PRSS3: variants seen among roughly 807,000 people sequenced by gnomAD.
The protein encoded by PRSS3 is trypsin-3.
A neutral mutation model predicts 20.8 loss-of-function variants in PRSS3; 14 were observed. The observed-to-expected ratio is 0.67, with a 90% CI of 0.44 to 1.05. The LOEUF (loss-of-function observed/expected upper bound fraction) is 1.05. Ranked by LOEUF, PRSS3 falls within the 50% of genes least tolerant of loss-of-function variation. The pLI, the probability that PRSS3 is intolerant of heterozygous loss-of-function variation, is 0.00. For synonymous variants in PRSS3, 91 were observed against 117.6 expected (o/e 0.77, Z 1.46); for missense variants, 237 against 306.4 (o/e 0.77, Z 1.69).
chr9:33,760,617 G>T (rs1327597546), intron 1 of PRSS3, among the ~76,000 whole-genome samples: 3 of 151,780 alleles, frequency 2.0e-5, no homozygotes, highest in Non-Finnish European at 2.9e-5. Context: ...GTGGTGGCGG[G>T]CGTCTATAGT....
intron 1 of PRSS3, among the ~76,000 whole-genome samples, chr9:33,751,765 G>A (rs533777460): frequency 6.6e-6 from 1 of 152,164 alleles, no homozygotes; most frequent in Non-Finnish European, 1.5e-5. Context: ...TTTTTAACCA[G>A]ATGTGTTATA....
Position 33,797,870 on chromosome 9 carries a change from T to C in PRSS3, c.242T>C (p.Leu81Pro), listed in dbSNP as rs745554906. Residue 81 changes from leucine (L) to proline (P), a missense_variant, in exon 3 of 5, where the codon CTG becomes CCG. Physicochemically the swap from Leu to Pro is moderately conservative, Grantham distance 98 (BLOSUM62 -3). Transcript: ENST00000379405. ...VRLGEHNIKV[L>P]EGNEQFINAA... ...CTGGGAGAGCACAACATCAAAGTCC[T>C]GGAGGGGAATGAGCAGTTCATCAAT... 1.2e-6 allele frequency: 2 copies of C among 1,614,258 alleles called. No homozygotes were observed. The highest frequency in any genetic ancestry group is 1.7e-6 in the Non-Finnish European group (2 of 1,180,046).
chr9:33,786,035 T>G (rs995254353), intron 1 of PRSS3: 4 of 255,470 alleles, frequency 1.6e-5, no homozygotes, highest in African/African-American at 9.1e-5. Context: ...GCATGAAGAC[T>G]CATCCTGAGT....
At chr9:33,760,539 G>T (rs1210319033) in intron 1 of PRSS3, among the ~76,000 whole-genome samples, 1 of 152,056 alleles carries the variant, frequency 6.6e-6, no homozygotes, top group African/African-American at 2.4e-5. Flanking sequence ...GAGGTCAGGA[G>T]ATCGAGACCA....
At chr9:33,787,751 C>G (rs899881055) in intron 1 of PRSS3, among the ~76,000 whole-genome samples, 1 of 152,194 alleles carries the variant, frequency 6.6e-6, no homozygotes, top group African/African-American at 2.4e-5. Flanking sequence ...AAGAGAATCA[C>G]AAGGCAGTGT....
upstream of PRSS3, among the ~76,000 whole-genome samples, chr9:33,793,290 T>C (rs1433684458): frequency 1.3e-5 from 2 of 152,260 alleles, no homozygotes; most frequent in African/African-American, 4.8e-5. Context: ...CACTGGTGTC[T>C]ACAGTTGCTA....
chr9:33,766,750 C>G (rs1422135668), intron 1 of PRSS3, among the ~76,000 whole-genome samples: 4 of 151,760 alleles, frequency 2.6e-5, no homozygotes, highest in African/African-American at 9.7e-5. Flanking sequence ...TTACTGATTG[C>G]CAGGGGCTGG....
At chr9:33,772,798 C>T (rs528519567) in intron 1 of PRSS3, among the ~76,000 whole-genome samples, 106 of 152,160 alleles carry the variant, frequency 7.0e-4, no homozygotes, top group Non-Finnish European at 1.0e-3. Flanking sequence ...TTGTGTCTGC[C>T]GCCACAAACT....
chr9:33,766,429 C>T (rs559510913), intron 1 of PRSS3, among the ~76,000 whole-genome samples: 1 of 151,766 alleles, frequency 6.6e-6, no homozygotes, highest in South Asian at 2.1e-4. Context: ...AAAAATTAGC[C>T]GGGCATGGTG....
chr9:33,754,709 T>C (rs1822861366), intron 1 of PRSS3, among the ~76,000 whole-genome samples: 1 of 152,098 alleles, frequency 6.6e-6, no homozygotes, highest in Non-Finnish European at 1.5e-5. Flanking sequence ...CAGGTGCCTA[T>C]AGTCCCAGCT....
chr9:33,751,800 G>T (rs1822710870), intron 1 of PRSS3, among the ~76,000 whole-genome samples: 1 of 152,164 alleles, frequency 6.6e-6, no homozygotes, highest in Non-Finnish European at 1.5e-5. Context: ...TGGGTGTTGT[G>T]CAGTGGGAAA....
At chr9:33,788,116 A>G (rs1418778014) in intron 1 of PRSS3, among the ~76,000 whole-genome samples, 1 of 152,218 alleles carries the variant, frequency 6.6e-6, no homozygotes, top group Non-Finnish European at 1.5e-5. Context: ...AGGGACTGGA[A>G]CAGAGCCCTG....
rs796766129 is a variant in PRSS3, at chr9:33,798,367, C to G, written c.455-119C>G. On this transcript the variant is annotated intron_variant, in intron 3 of 4. Transcript: ENST00000379405. ...AGCCAGAGTCCCTTGCCAGAACTTA[C>G]GTTTTGGAGTCCTCTCCAGAGGCAG... 3.2e-6 allele frequency: 4 copies of G among 1,248,654 alleles called. No individual in the cohort carries two copies. The African/African-American group carries it at 8.7e-5, about 27-fold the overall frequency. The allele number at this position is 1,248,654 out of a possible 1,614,324, so 77.3% of individuals were successfully genotyped here. A position where few individuals can be genotyped will look rare whatever the true frequency, so the allele number is the denominator to read the frequency against.
At chr9:33,786,567 G>A (rs1238197366) in intron 1 of PRSS3, 14 of 766,158 alleles carry the variant, frequency 1.8e-5, no homozygotes, top group Non-Finnish European at 3.4e-5. Context: ...AAGCCAAGCA[G>A]GGATATCTGT....
chr9:33,769,835 G>C (rs562575009), intron 1 of PRSS3, among the ~76,000 whole-genome samples: 1 of 152,244 alleles, frequency 6.6e-6, no homozygotes, highest in Non-Finnish European at 1.5e-5. Context: ...TGTGGACCCA[G>C]ACAACAGAAC....
chr9:33,760,480 C>A (rs1404358183), intron 1 of PRSS3, among the ~76,000 whole-genome samples: 1 of 152,132 alleles, frequency 6.6e-6, no homozygotes, highest in East Asian at 1.9e-4. Context: ...GGTGCGGTGG[C>A]TCACGCCTGT....
At chr9:33,793,019 C>G (rs1378612137), upstream of PRSS3, among the ~76,000 whole-genome samples, 1 of 152,280 alleles carries the variant, frequency 6.6e-6, no homozygotes, top group African/African-American at 2.4e-5. Context: ...TATGAGGTAA[C>G]AGTCTCCACC....
upstream of PRSS3, among the ~76,000 whole-genome samples, chr9:33,795,183 A>G (rs1157690206): frequency 4.0e-5 from 5 of 125,638 alleles, no homozygotes; most frequent in Non-Finnish European, 8.7e-5. Flanking sequence ...CCTTAAGTAC[A>G]TTATTAAATA....
At chr9:33,795,048 T>C (rs538028904), upstream of PRSS3, among the ~76,000 whole-genome samples, 5 of 117,008 alleles carry the variant, frequency 4.3e-5, no homozygotes, top group Middle Eastern at 3.9e-3. Flanking sequence ...GATTTGACCT[T>C]TGTGCACAGT....
Sources: allele counts gnomAD v4.1 joint callset (sites outside exome capture counted in the v4.1 genomes callset), GRCh38; gene constraint gnomAD v4.1.1; transcripts MANE v1.5; gene names NCBI Gene and HGNC (gene_info 2026-07-23, HGNC 2026-07-21).